The following TYW1B variants were observed in gnomAD, a reference collection of about 807,000 sequenced individuals.
TYW1B encodes the protein S-adenosyl-L-methionine-dependent tRNA 4-demethylwyosine synthase TYW1B.
In TYW1B, 73 loss-of-function variants were observed where a neutral mutation model predicts 86.9. The ratio of observed to expected loss-of-function variants is 0.84; its 90% CI spans 0.70 to 1.02. The LOEUF (loss-of-function observed/expected upper bound fraction) is 1.02, where lower values mean the gene tolerates loss of function less well. Among genes scored for constraint, TYW1B ranks in the 50% least tolerant of loss-of-function variants. TYW1B has a pLI of 0.00. For synonymous variants in TYW1B, 248 were observed against 292.8 expected (o/e 0.85, Z 1.56); for missense variants, 637 against 827.4 (o/e 0.77, Z 2.82).
At chr7:72,827,593 T>G (rs1563108774) in intron 1 of TYW1B, among the ~76,000 whole-genome samples, 1 of 148,704 alleles carries the variant, frequency 6.7e-6, no homozygotes, top group East Asian at 1.9e-4. Context: ...TGAAATTAAG[T>G]TAATTGTTTT....
intron 10 of TYW1B, among the ~76,000 whole-genome samples, chr7:72,696,536 G>C (rs781865677): frequency 2.0e-5 from 3 of 152,030 alleles, no homozygotes; most frequent in Non-Finnish European, 4.4e-5. Context: ...CTTTATATAC[G>C]TATCAGTAGC....
chr7:72,629,035 G>A (rs1554439439), intron 11 of TYW1B, 38 bp from the exon 12 acceptor site: 1 of 1,562,316 alleles, frequency 6.4e-7, no homozygotes, highest in Middle Eastern at 1.7e-4. Context: ...TGTTATCTTG[G>A]TGGATGTCAC....
chr7:72,627,087 T>C lies in TYW1B; in HGVS notation c.1617+1800A>G, dbSNP rs150283232. On this transcript the variant is annotated intron_variant, in intron 12 of 13. Transcript: ENST00000620995. ...AGGATAGCACAGGACCTCCATGCACTAGCACCACCTGCCTGGAATGCCCTT... is the reference window on the plus strand; with the variant it reads ...AGGATAGCACAGGACCTCCATGCACCAGCACCACCTGCCTGGAATGCCCTT... Among the ~76,000 whole-genome samples the C allele has an allele frequency of 6.6e-3, 1,004 of 152,146 alleles. 11 individuals are homozygous for C. Among genetic ancestry groups the C allele is most frequent in the African/African-American group, 0.021 (866 of 41,538 alleles).
At chr7:72,812,435 T>C (rs1479654017) in intron 3 of TYW1B, among the ~76,000 whole-genome samples, 1 of 152,168 alleles carries the variant, frequency 6.6e-6, no homozygotes, top group African/African-American at 2.4e-5. Flanking sequence ...TGTGTATCCT[T>C]AGTCTTGATA....
At chr7:72,715,342 T>A (rs1195389156) in intron 9 of TYW1B, among the ~76,000 whole-genome samples, 1 of 152,156 alleles carries the variant, frequency 6.6e-6, no homozygotes, top group Admixed American at 6.5e-5. Context: ...TAAATCACGG[T>A]CTCTGGGGAG....
intron 11 of TYW1B, among the ~76,000 whole-genome samples, chr7:72,679,083 G>A (rs1323954976): frequency 1.2e-4 from 18 of 152,244 alleles, no homozygotes; most frequent in Non-Finnish European, 1.9e-4. Flanking sequence ...TCTGCCAATA[G>A]AGCAAGATCC....
At chr7:72,597,334 T>G (rs1554432781) in intron 13 of TYW1B, among the ~76,000 whole-genome samples, 1 of 152,138 alleles carries the variant, frequency 6.6e-6, no homozygotes, top group African/African-American at 2.4e-5. Flanking sequence ...AAGGGAAAGT[T>G]ATGGCCCCAA....
At chr7:72,821,260 C>T (rs1481519521) in intron 2 of TYW1B, among the ~76,000 whole-genome samples, 1 of 152,168 alleles carries the variant, frequency 6.6e-6, no homozygotes, top group Admixed American at 6.6e-5. Flanking sequence ...AGGCATGAGC[C>T]ATCACACCTG....
intron 6 of TYW1B, 34 bp downstream of exon 6, chr7:72,802,366 G>A (rs1554475908): frequency 6.2e-7 from 1 of 1,612,946 alleles, no homozygotes; most frequent in East Asian, 2.2e-5. Context: ...CCAACTGCGG[G>A]AGCCAAGTGC....
intron 11 of TYW1B, among the ~76,000 whole-genome samples, chr7:72,632,388 G>GTATATATATATTATATATATACA (rs1812537640): frequency 5.7e-5 from 4 of 70,328 alleles, no homozygotes; most frequent in Non-Finnish European, 9.6e-5. Context: ...ATATATATAC[G>GTATATATATATTATATATATACA]TATATATATA....
At chr7:72,803,608 A>G (rs1241435433) in intron 5 of TYW1B, among the ~76,000 whole-genome samples, 1 of 152,008 alleles carries the variant, frequency 6.6e-6, no homozygotes, top group African/African-American at 2.4e-5. Flanking sequence ...AACGTTAGAG[A>G]GATTTTTTTG....
intron 11 of TYW1B, among the ~76,000 whole-genome samples, chr7:72,682,169 C>T (rs1282723653): frequency 4.0e-5 from 6 of 151,662 alleles, no homozygotes; most frequent in Admixed American, 1.3e-4. Context: ...TGAGCCACCA[C>T]ACATAGCCTA....
At chr7:72,676,198 T>G (rs1160955814) in intron 11 of TYW1B, among the ~76,000 whole-genome samples, 1 of 152,106 alleles carries the variant, frequency 6.6e-6, no homozygotes, top group Non-Finnish European at 1.5e-5. Flanking sequence ...AATAAAAATA[T>G]ACCATGAAGC....
intron 11 of TYW1B, among the ~76,000 whole-genome samples, chr7:72,632,764 T>G (rs1371153905): frequency 6.6e-6 from 1 of 151,982 alleles, no homozygotes; most frequent in African/African-American, 2.4e-5. Flanking sequence ...CTTTGTAGCT[T>G]GGCAAAGATT....
chr7:72,731,913 C>T (rs1787119496), intron 8 of TYW1B, among the ~76,000 whole-genome samples: 1 of 152,008 alleles, frequency 6.6e-6, no homozygotes, highest in Non-Finnish European at 1.5e-5. Flanking sequence ...GCACTCCAGC[C>T]TGGGCAACAG....
intron 11 of TYW1B, among the ~76,000 whole-genome samples, chr7:72,648,873 G>T (rs548290659): frequency 2.6e-5 from 4 of 152,178 alleles, no homozygotes; most frequent in Non-Finnish European, 5.9e-5. Flanking sequence ...GAGGCTCAGA[G>T]CACTGGCAGC....
intron 9 of TYW1B, among the ~76,000 whole-genome samples, chr7:72,721,464 T>C (rs1554457502): frequency 3.3e-5 from 5 of 152,194 alleles, no homozygotes; most frequent in South Asian, 4.1e-4. Flanking sequence ...TGGTATCTTA[T>C]TGTGGTTTTG....
chr7:72,749,058 T>G (rs1554464378), intron 7 of TYW1B, among the ~76,000 whole-genome samples: 1 of 152,214 alleles, frequency 6.6e-6, no homozygotes, highest in Non-Finnish European at 1.5e-5. Context: ...CATTGAAAAC[T>G]AAGATTTCAC....
Position 72,777,405 on chromosome 7 carries a change from A to G in TYW1B, c.964+11T>C. 2.5e-6 allele frequency: 4 copies of G among 1,612,666 alleles called. No homozygotes were observed. The highest frequency in any genetic ancestry group is 3.4e-6 in the Non-Finnish European group (4 of 1,179,354). ...TATAGTCATATAACAACAATTCTTG[A>G]AGATTTTCACCTTGTTTAGTAAGGG... On this transcript the variant is annotated intron_variant, in intron 7 of 13. Transcript: ENST00000620995.
Sources: gnomAD v4.1 joint callset for allele counts (sites outside exome capture counted in the v4.1 genomes callset) on GRCh38, gnomAD v4.1.1 for gene constraint, MANE v1.5 for transcripts, NCBI Gene and HGNC (gene_info 2026-07-23, HGNC 2026-07-21) for gene names.